The following DCC variants were observed in gnomAD, a reference collection of about 807,000 sequenced individuals.
DCC encodes the protein DCC netrin 1 receptor.
Under a neutral mutation model 172.5 loss-of-function variants are expected in DCC, and 58 were observed. The observed-to-expected ratio is 0.34, with a 90% CI of 0.27 to 0.42. DCC has a LOEUF of 0.42. Ranked by LOEUF, DCC falls within the 10% of genes least tolerant of loss-of-function variation. The probability of loss-of-function intolerance (pLI) is 1.00; values close to 1 mark genes in which losing one functional copy is unlikely to be tolerated. For missense variants in DCC, 1,740 were observed against 1,791.0 expected, an observed-to-expected ratio of 0.97 and a Z score of 0.51; for synonymous variants, 709 against 644.5, an observed-to-expected ratio of 1.10 and a Z score of -1.52.
At chr18:53,022,460 G>A (rs1445971491) in intron 5 of DCC, among the ~76,000 whole-genome samples, 2 of 151,504 alleles carry the variant, frequency 1.3e-5, no homozygotes, top group Non-Finnish European at 2.9e-5. Flanking sequence ...CAGGAACATA[G>A]CACTTAATAA....
In DCC at chr18:52,401,077, C is replaced by A. The variant is rs148697551; in HGVS notation, c.91+60199C>A. On this transcript the variant is annotated intron_variant, in intron 1 of 28. Transcript: ENST00000442544. ...ATGTAACAAACCTGCACGTTCTGCA[C>A]ATGTATCCCAGAACTTAAAGAATAA... Among the ~76,000 whole-genome samples the A allele has an allele frequency of 5.4e-4, 82 of 151,994 alleles. 1 individual carries two copies. Among genetic ancestry groups the A allele is most frequent in the African/African-American group, 1.9e-3 (80 of 41,480 alleles).
rs80355328 is a variant in DCC at position 52,570,604 on chromosome 18, C to A, written c.92-181450C>A. Among the ~76,000 whole-genome samples, 72 of 152,238 alleles carry A rather than the reference C, an allele frequency of 4.7e-4. 1 individual carries two copies. The highest frequency in any genetic ancestry group is 1.7e-3 in the African/African-American group (69 of 41,552). On this transcript the variant is annotated intron_variant, in intron 1 of 28. Transcript: ENST00000442544. ...TCAAAAGTGAAAACAAACCTGTTAG[C>A]ATAATTTTCACATTTGTAGAAACTG...
At chr18:53,072,443 T>A (rs2042667277) in intron 7 of DCC, among the ~76,000 whole-genome samples, 1 of 152,132 alleles carries the variant, frequency 6.6e-6, no homozygotes, top group Non-Finnish European at 1.5e-5. Context: ...TTATCCTGGT[T>A]CTAGATGTTG....
At chr18:53,050,726 A>G (rs2042322868) in intron 5 of DCC, among the ~76,000 whole-genome samples, 1 of 152,088 alleles carries the variant, frequency 6.6e-6, no homozygotes, top group Non-Finnish European at 1.5e-5. Flanking sequence ...ACAAATAGGG[A>G]CAGCTTGAAT....
At chr18:53,516,512 C>A (rs1568181987) in intron 27 of DCC, among the ~76,000 whole-genome samples, 1 of 149,438 alleles carries the variant, frequency 6.7e-6, no homozygotes, top group Non-Finnish European at 1.5e-5. Context: ...AGTGAACAGG[C>A]AACCTACAAA....
At chr18:52,777,123 C>T (rs552923957) in intron 2 of DCC, among the ~76,000 whole-genome samples, 1 of 152,232 alleles carries the variant, frequency 6.6e-6, no homozygotes, top group East Asian at 1.9e-4. Context: ...TGTTTTGGTG[C>T]CCCGTTAACT....
At chr18:52,972,937 T>C (rs1426446502) in intron 5 of DCC, among the ~76,000 whole-genome samples, 1 of 152,224 alleles carries the variant, frequency 6.6e-6, no homozygotes, top group Non-Finnish European at 1.5e-5. Context: ...CTGTGCAGTC[T>C]GCAGCCACTG....
intron 16 of DCC, among the ~76,000 whole-genome samples, chr18:53,388,029 A>T (rs1251491288): frequency 6.6e-6 from 1 of 152,208 alleles, no homozygotes; most frequent in Admixed American, 6.5e-5. Context: ...TAATTCTAGC[A>T]TATGACATTC....
intron 1 of DCC, among the ~76,000 whole-genome samples, chr18:52,400,764 A>AT (rs1414583807): frequency 1.1e-4 from 17 of 152,132 alleles, no homozygotes; most frequent in Non-Finnish European, 2.5e-4. Context: ...CTATGCAGCC[A>AT]TAAAAAGGAT....
intron 8 of DCC, among the ~76,000 whole-genome samples, chr18:53,174,326 A>C (rs1165754473): frequency 1.3e-5 from 2 of 149,734 alleles, no homozygotes; most frequent in African/African-American, 5.0e-5. Flanking sequence ...AAATAACTAA[A>C]ATCAGAGCAG....
intron 2 of DCC, among the ~76,000 whole-genome samples, chr18:52,826,323 G>T (rs749469642): frequency 6.6e-6 from 1 of 152,116 alleles, no homozygotes; most frequent in Non-Finnish European, 1.5e-5. Context: ...GTGTCCCTGT[G>T]CCTACACGGA....
intron 7 of DCC, among the ~76,000 whole-genome samples, chr18:53,128,864 CACACACATATATATATATAT>C (rs776500435): frequency 4.0e-4 from 29 of 72,120 alleles, no homozygotes; most frequent in South Asian, 2.0e-3. Flanking sequence ...CACACACACA[CACACACATATATATATATAT>C]ATATATATAT....
At chr18:52,569,100 A>C (rs2033233144) in intron 1 of DCC, among the ~76,000 whole-genome samples, 1 of 152,228 alleles carries the variant, frequency 6.6e-6, no homozygotes, top group Non-Finnish European at 1.5e-5. Context: ...ATAACAAGAT[A>C]GATCATAACA....
intron 1 of DCC, among the ~76,000 whole-genome samples, chr18:52,617,445 A>G (rs187231070): frequency 2.4e-4 from 36 of 152,272 alleles, no homozygotes; most frequent in East Asian, 1.2e-3. Flanking sequence ...TTCAATGCAC[A>G]CACTACTGAA....
chr18:52,510,330 T>G lies in DCC; in HGVS notation c.91+169452T>G, dbSNP rs140385743. 5.9e-5 allele frequency among the ~76,000 whole-genome samples: 9 copies of G among 152,252 alleles called. No individual in the cohort carries two copies. The East Asian group carries it at 1.7e-3, about 29-fold the overall frequency. On this transcript the variant is annotated intron_variant, in intron 1 of 28. Transcript: ENST00000442544. ...TGGAACTGGCCTTGCTTCTCTGCATTCCAGCTGCGGGCTCAGGTCTTTATA... is the reference window on the plus strand; with the variant it reads ...TGGAACTGGCCTTGCTTCTCTGCATGCCAGCTGCGGGCTCAGGTCTTTATA...
intron 2 of DCC, among the ~76,000 whole-genome samples, chr18:52,814,371 T>G (rs546034281): frequency 8.6e-4 from 131 of 152,312 alleles, no homozygotes; most frequent in Non-Finnish European, 9.9e-4. Flanking sequence ...TTGACTGCTG[T>G]GAGGAGGAAG....
chr18:53,227,528 T>A (rs1213114826), intron 12 of DCC, among the ~76,000 whole-genome samples: 1 of 152,326 alleles, frequency 6.6e-6, no homozygotes, highest in Non-Finnish European at 1.5e-5. Context: ...TCTAAGAGCA[T>A]CATCTTCACG....
intron 1 of DCC, among the ~76,000 whole-genome samples, chr18:52,378,213 T>C (rs1460540299): frequency 6.6e-6 from 1 of 152,112 alleles, no homozygotes; most frequent in African/African-American, 2.4e-5. Context: ...TCTTTACTTA[T>C]TTTCATAATT....
intron 7 of DCC, among the ~76,000 whole-genome samples, chr18:53,139,407 G>A (rs1441733599): frequency 6.6e-6 from 1 of 152,170 alleles, no homozygotes; most frequent in African/African-American, 2.4e-5. Flanking sequence ...TAGGGTCAAA[G>A]GAAGGATAAA....
Sources: gnomAD v4.1 joint callset for allele counts (sites outside exome capture counted in the v4.1 genomes callset) on GRCh38, gnomAD v4.1.1 for gene constraint, MANE v1.5 for transcripts, NCBI Gene and HGNC (gene_info 2026-07-23, HGNC 2026-07-21) for gene names.